The following PCDHGA6 variants were observed in gnomAD, a reference collection of about 807,000 sequenced individuals.
PCDHGA6 encodes the protein protocadherin gamma-A6.
In PCDHGA6, 41 loss-of-function variants were observed where a neutral mutation model predicts 60.6. The ratio of observed to expected loss-of-function variants is 0.68; its 90% CI spans 0.53 to 0.88. PCDHGA6 has a LOEUF of 0.88. Among genes scored for constraint, PCDHGA6 ranks in the 40% least tolerant of loss-of-function variants. The probability of loss-of-function intolerance (pLI) is 0.00; values close to 1 mark genes in which losing one functional copy is unlikely to be tolerated. For missense variants in PCDHGA6, 1,312 were observed against 1,203.0 expected (o/e 1.09, Z -1.34); for synonymous variants, 594 against 524.4 (o/e 1.13, Z -1.81).
At chr5:141,418,328 G>A (rs1298044571) in intron 1 of PCDHGA6, 1 of 1,614,002 alleles carries the variant, frequency 6.2e-7, no homozygotes, top group Non-Finnish European at 8.5e-7. Flanking sequence ...TCTTGAGTCT[G>A]CAGAAGATCC....
Position 141,376,129 on chromosome 5 carries a change from C to G in PCDHGA6, c.2046C>G (p.Ala682=). The part of the protein sequence containing the change: ...LADLGSLEPS[A]KPNDSDLTLY... ...ACCTGGGCAGCCTCGAGCCCTCCGC[C>G]AAACCCAACGATTCGGACCTCACTC... Residue 682 remains alanine (A), a synonymous_variant, in exon 1 of 4, where the codon GCC becomes GCG. Transcript: ENST00000517434. The G allele has an allele frequency of 1.2e-6, 2 of 1,613,928 alleles. No individual in the cohort carries two copies. The highest frequency in any genetic ancestry group is 1.7e-6 in the Non-Finnish European group (2 of 1,179,952).
At chr5:141,394,373 C>G in intron 1 of PCDHGA6, 2 of 1,614,206 alleles carry the variant, frequency 1.2e-6, no homozygotes, top group Non-Finnish European at 8.5e-7. Context: ...TGCAATCTTT[C>G]GACTATGAGC....
At chr5:141,422,618 A>G in intron 1 of PCDHGA6, 3 of 1,613,682 alleles carry the variant, frequency 1.9e-6, no homozygotes, top group Non-Finnish European at 2.5e-6. Flanking sequence ...TACATTCCCG[A>G]AAACAACCCC....
intron 1 of PCDHGA6, chr5:141,399,671 C>T (rs764084700): frequency 1.2e-6 from 2 of 1,613,512 alleles, no homozygotes; most frequent in East Asian, 4.5e-5. Flanking sequence ...GCGCAGCGCG[C>T]CTTTGACTAC....
chr5:141,510,621 A>G (rs1317150967), intron 3 of PCDHGA6, among the ~76,000 whole-genome samples: 1 of 152,176 alleles, frequency 6.6e-6, no homozygotes, highest in Non-Finnish European at 1.5e-5. Flanking sequence ...CACTAAAACC[A>G]GAAGAGGTGG....
chr5:141,403,577 C>A (rs1188693688), intron 1 of PCDHGA6: 5 of 1,613,812 alleles, frequency 3.1e-6, no homozygotes, highest in Non-Finnish European at 3.4e-6. Context: ...AACTGCCCAC[C>A]ACCTGGTCCT....
Position 141,490,351 on chromosome 5 carries a change from T to C in PCDHGA6, c.2425-4456T>C. Reference sequence around the variant, plus strand: ...CACACCAGTGGGCACAGTAGTGGGGTTGTTTAATGTGCGAGACCGGGACTC... The same window carrying C: ...CACACCAGTGGGCACAGTAGTGGGGCTGTTTAATGTGCGAGACCGGGACTC... On this transcript the variant is annotated intron_variant, in intron 1 of 3. Transcript: ENST00000517434. The surrounding 1 kb of genome is among the most constrained non-coding windows in gnomAD (Gnocchi z 5.4). 6.2e-7 allele frequency: 1 copy of C among 1,614,028 alleles called. No individual in the cohort carries two copies. The highest frequency in any genetic ancestry group is 1.3e-5 in the African/African-American group (1 of 74,976).
intron 1 of PCDHGA6, among the ~76,000 whole-genome samples, chr5:141,442,789 T>C (rs2098343347): frequency 6.6e-6 from 1 of 152,196 alleles, no homozygotes; most frequent in African/African-American, 2.4e-5. Flanking sequence ...ATTTTATAAT[T>C]TTACTTTGAT....
intron 1 of PCDHGA6, chr5:141,410,847 G>GTA: frequency 1.9e-5 from 3 of 158,244 alleles, no homozygotes; most frequent in East Asian, 1.3e-4. Flanking sequence ...TTTTGTCTTT[G>GTA]TCTTTTTTTT....
chr5:141,373,965 G>T lies in PCDHGA6; in HGVS notation c.-119G>T. ...CTGTGCAGAAATTCTGACCTGAAAC[G>T]CTTCGCATCCGGTCTCTGCTTGTTG... On this transcript the variant is annotated 5_prime_UTR_variant, in exon 1 of 4. Transcript: ENST00000517434. 2 of 971,546 alleles carry T rather than the reference G, an allele frequency of 2.1e-6. No homozygotes were observed. Among genetic ancestry groups the T allele is most frequent in the East Asian group, 2.9e-5 (1 of 34,612 alleles). 60.2% of individuals were successfully genotyped at this position (971,546 alleles called of 1,614,324 possible).
intron 1 of PCDHGA6, chr5:141,414,615 G>A: frequency 6.2e-7 from 1 of 1,613,962 alleles, no homozygotes; most frequent in Non-Finnish European, 8.5e-7. Context: ...CAGTGACAGC[G>A]CTGGACCCGG....
intron 1 of PCDHGA6, chr5:141,422,102 T>A: frequency 6.2e-7 from 1 of 1,609,526 alleles, no homozygotes; most frequent in Non-Finnish European, 8.5e-7. Context: ...GCTTCTGAAA[T>A]ATTCCAATTG....
chr5:141,393,472 C>T lies in PCDHGA6; in HGVS notation c.2424+16965C>T, dbSNP rs575533120. On this transcript the variant is annotated intron_variant, in intron 1 of 3. Coordinates refer to ENST00000517434, the MANE Select transcript of PCDHGA6 (RefSeq NM_018919.3). ...CTCACGGCCTCGGATGGCGGCAAGC[C>T]GCCTCGCTCTAGCACAGTGCGCATC... 3.5e-5 allele frequency: 57 copies of T among 1,614,022 alleles called. 2 individuals carry two copies. The South Asian group carries it at 4.2e-4, about 12-fold the overall frequency.
chr5:141,403,169 C>T, intron 1 of PCDHGA6: 13 of 1,614,016 alleles, frequency 8.1e-6, no homozygotes, highest in Non-Finnish European at 1.1e-5. Flanking sequence ...AGGTAGGACG[C>T]AGCTTTTCTC....
At chr5:141,507,262 G>A (rs1294679320) in intron 3 of PCDHGA6, 6 of 151,748 alleles carry the variant, frequency 4.0e-5, no homozygotes, top group Non-Finnish European at 8.8e-5. Flanking sequence ...TAAACAGCAA[G>A]TACTATTTCA....
In PCDHGA6 at chr5:141,399,918, C is replaced by T. The variant is rs1163309827; in HGVS notation, c.2424+23411C>T. On this transcript the variant is annotated intron_variant, in intron 1 of 3. Coordinates refer to ENST00000517434, the MANE Select transcript of PCDHGA6 (RefSeq NM_018919.3). ...CCGTGGACGCAGACTCAGGACACAA[C>T]GCCTGGCTGTCCTACCACGTGCTGC... The T allele has an allele frequency of 4.3e-6, 7 of 1,612,240 alleles. No individual in the cohort carries two copies. In the East Asian group the frequency reaches 8.9e-5, roughly 21 times the overall value.
chr5:141,389,612 G>A, intron 1 of PCDHGA6: 1 of 1,613,040 alleles, frequency 6.2e-7, no homozygotes, highest in Non-Finnish European at 8.5e-7. Flanking sequence ...TCGATATGGT[G>A]CCGCACGCTG....
At chr5:141,409,519 C>T in intron 1 of PCDHGA6, 1 of 1,614,040 alleles carries the variant, frequency 6.2e-7, no homozygotes, top group Non-Finnish European at 8.5e-7. Context: ...GAAGCATCAC[C>T]TTGTATGTCG....
chr5:141,399,515 C>A, intron 1 of PCDHGA6: 13 of 1,614,040 alleles, frequency 8.1e-6, no homozygotes, highest in Non-Finnish European at 1.1e-5. Flanking sequence ...AACAACCCTC[C>A]TGGGGCCTCC....
Sources: allele counts gnomAD v4.1 joint callset (sites outside exome capture counted in the v4.1 genomes callset), GRCh38; gene constraint gnomAD v4.1.1; non-coding constraint Gnocchi (gnomAD v3.1); transcripts MANE v1.5; gene names NCBI Gene and HGNC (gene_info 2026-07-23, HGNC 2026-07-21).